MYO9B: variants seen among roughly 807,000 people sequenced by gnomAD.
The protein encoded by MYO9B is myosin IXB, also known as unconventional myosin-IXb.
A neutral mutation model predicts 229.5 loss-of-function variants in MYO9B; 71 were observed. The ratio of observed to expected loss-of-function variants is 0.31; its 90% CI spans 0.26 to 0.38. The LOEUF is 0.38. MYO9B is among the 10% of genes least tolerant of loss of function. The pLI, the probability that MYO9B is intolerant of heterozygous loss-of-function variation, is 1.00. For synonymous variants in MYO9B, 1,185 were observed against 1,235.8 expected, an observed-to-expected ratio of 0.96 and a Z score of 0.86; for missense variants, 2,255 against 2,920.5, an observed-to-expected ratio of 0.77 and a Z score of 5.25.
Position 17,101,511 on chromosome 19 carries a change from C to G in MYO9B, c.-58-149C>G, listed in dbSNP as rs576090869. The G allele has an allele frequency of 1.4e-6, 1 of 691,176 alleles. No individual in the cohort carries two copies. The highest frequency in any genetic ancestry group is 4.2e-4 in the Middle Eastern group (1 of 2,406). The allele number at this position is 691,176 out of a possible 1,614,324, so 42.8% of individuals were successfully genotyped here. A position where few individuals can be genotyped will look rare whatever the true frequency, so the allele number is the denominator to read the frequency against. On this transcript the variant is annotated intron_variant, in intron 1 of 39. Transcript: ENST00000682292. The surrounding 1 kb of genome is among the most constrained non-coding windows in gnomAD (Gnocchi z 4.7). ...GACAGACCCTCACGGGATGTCGTGA[C>G]TGGTTGCCTCTGGCTTTTTGGGCGA...
chr19:17,203,316 G>T, intron 30 of MYO9B, 58 bp downstream of exon 30: 1 of 1,341,270 alleles, frequency 7.5e-7, no homozygotes, highest in Non-Finnish European at 1.0e-6. Context: ...ACCCCTCACT[G>T]CTCAAGAGGT....
intron 2 of MYO9B, among the ~76,000 whole-genome samples, chr19:17,107,117 T>G (rs939028799): frequency 1.3e-5 from 2 of 151,926 alleles, no homozygotes; most frequent in Non-Finnish European, 2.9e-5. Context: ...ATGCCTGTGG[T>G]CTCAGCTCTC....
At chr19:17,169,812 T>C (rs1373626586) in intron 11 of MYO9B, among the ~76,000 whole-genome samples, 1 of 139,510 alleles carries the variant, frequency 7.2e-6, no homozygotes, top group Non-Finnish European at 1.6e-5. Flanking sequence ...CTTTTTTTTT[T>C]TTTTTTTTTT....
chr19:17,200,958 G>A, intron 26 of MYO9B, 129 bp downstream of exon 26: 1 of 1,079,160 alleles, frequency 9.3e-7, no homozygotes, highest in Middle Eastern at 2.9e-4. Context: ...CCAGGCTCAG[G>A]CCGGGGACAG....
intron 15 of MYO9B, among the ~76,000 whole-genome samples, chr19:17,181,659 G>A (rs1436182614): frequency 5.9e-5 from 9 of 152,232 alleles, no homozygotes; most frequent in South Asian, 2.1e-4. Context: ...ACCACATCTC[G>A]CCTTTTAGTG....
At chr19:17,162,554 C>T (rs952847841) in intron 9 of MYO9B, 88 bp downstream of exon 9, 93 of 1,147,026 alleles carry the variant, frequency 8.1e-5, no homozygotes, top group African/African-American at 7.7e-4. Flanking sequence ...CTGGAACATC[C>T]GGAGCCGAGG....
rs888550240 is a variant in MYO9B at position 17,195,899 on chromosome 19, T to C, written c.4046+426T>C. ...GTGACTTGGAATCTCCAGCTCCCTC[T>C]TCCAGAGGGCCTGCAGGACCAAAGG... On this transcript the variant is annotated intron_variant, in intron 22 of 39. Transcript: ENST00000682292. The surrounding 1 kb of genome is among the most constrained non-coding windows in gnomAD (Gnocchi z 4.5). 6.6e-6 allele frequency among the ~76,000 whole-genome samples: 1 copy of C among 151,900 alleles called. No individual in the cohort carries two copies. Among genetic ancestry groups the C allele is most frequent in the Non-Finnish European group, 1.5e-5 (1 of 67,972 alleles).
At chr19:17,203,809 G>A (rs116118398) in intron 30 of MYO9B, among the ~76,000 whole-genome samples, 10 of 152,052 alleles carry the variant, frequency 6.6e-5, no homozygotes, top group Admixed American at 3.9e-4. Context: ...CGTGGGCCCT[G>A]CCTCTCTGTC....
At chr19:17,093,941 C>A (rs1259157466) in intron 1 of MYO9B, among the ~76,000 whole-genome samples, 2 of 151,852 alleles carry the variant, frequency 1.3e-5, no homozygotes, top group East Asian at 3.9e-4. Flanking sequence ...GTGTCAAATT[C>A]CTTGGCTCAA....
Position 17,207,167 on chromosome 19 carries a change from C to G in MYO9B, c.5547C>G (p.Ile1849Met). The stretch of plus-strand genomic sequence containing the variant: ...TGTCACCTGGGGCGCTGGCCATTAT[C>G]TTCGCACCCTGCCTCCTGCGCTGCC... ...NRMSPGALAI[I>M]FAPCLLRCPD... Residue 1849 changes from isoleucine to methionine, a missense_variant, in exon 35 of 40, where the codon ATC (isoleucine) becomes ATG (methionine). By Grantham distance (10) the Ile-to-Met change is conservative. This residue lies in a region of MYO9B where 416 missense variants were observed against 605.5 expected (regional missense o/e 0.69). Transcript: ENST00000682292. The G allele has an allele frequency of 6.2e-7, 1 of 1,607,782 alleles. No homozygotes were observed. Among genetic ancestry groups the G allele is most frequent in the Non-Finnish European group, 8.5e-7 (1 of 1,177,860 alleles).
At chr19:17,125,665 T>C (rs1418132562) in intron 2 of MYO9B, among the ~76,000 whole-genome samples, 10 of 152,180 alleles carry the variant, frequency 6.6e-5, no homozygotes, top group African/African-American at 2.4e-4. Flanking sequence ...CATCTGCGTC[T>C]GTGGCTGACA....
At chr19:17,134,994 C>G (rs1001031350) in intron 2 of MYO9B, among the ~76,000 whole-genome samples, 1 of 151,998 alleles carries the variant, frequency 6.6e-6, no homozygotes, top group Admixed American at 6.6e-5. Flanking sequence ...GAACTCCTGA[C>G]CTCAAGTGAT....
At chr19:17,124,087 C>T (rs1042129183) in intron 2 of MYO9B, among the ~76,000 whole-genome samples, 1 of 152,032 alleles carries the variant, frequency 6.6e-6, no homozygotes, top group African/African-American at 2.4e-5. Context: ...CGGGGTCTCA[C>T]TATGTTGCCC....
At chr19:17,191,411 C>G (rs1434807721) in intron 20 of MYO9B, among the ~76,000 whole-genome samples, 192 bp downstream of exon 20, 1 of 152,156 alleles carries the variant, frequency 6.6e-6, no homozygotes, top group Admixed American at 6.5e-5. Flanking sequence ...ACCTGCTGTT[C>G]TTCAGCAGGG....
chr19:17,162,921 C>G, intron 9 of MYO9B, 67 bp from the exon 10 acceptor site: 2 of 1,547,084 alleles, frequency 1.3e-6, no homozygotes, highest in Admixed American at 3.9e-5. Context: ...GAGCCAACCC[C>G]TCTCATGAAG....
chr19:17,167,368 A>G (rs561830724), intron 10 of MYO9B, among the ~76,000 whole-genome samples: 6 of 151,964 alleles, frequency 3.9e-5, no homozygotes, highest in African/African-American at 1.4e-4. Flanking sequence ...CCTGGCCTCA[A>G]GCGATCCTAC....
At chr19:17,209,428 G>A (rs1477593188) in intron 35 of MYO9B, among the ~76,000 whole-genome samples, 158 bp from the exon 36 acceptor site, 1 of 152,232 alleles carries the variant, frequency 6.6e-6, no homozygotes. Flanking sequence ...AGCTGCCGAA[G>A]GTCACACTGC....
In MYO9B at chr19:17,102,293, G is replaced by A. The variant is rs776602556; in HGVS notation, c.576G>A (p.Leu192=). ...TGGCCATCAACCCCTTTAAGTTCCT[G>A]CCCATCTACAACCCCAAGTACGTGA... ...ILVAINPFKF[L]PIYNPKYVKM... is the part of the protein sequence containing the mutation. The change falls in exon 2 of 40, where the codon CTG becomes CTA. Residue 192 remains leucine (L), a synonymous_variant. Coordinates refer to ENST00000682292, the MANE Select transcript of MYO9B (RefSeq NM_004145.4). 7 of 1,613,908 alleles carry A rather than the reference G, an allele frequency of 4.3e-6. No homozygotes were observed. Among genetic ancestry groups the A allele is most frequent in the Non-Finnish European group, 5.9e-6 (7 of 1,179,896 alleles).
At chr19:17,205,733 A>C (rs1009571176) in intron 31 of MYO9B, among the ~76,000 whole-genome samples, 11 of 152,144 alleles carry the variant, frequency 7.2e-5, no homozygotes, top group Non-Finnish European at 2.9e-5. Context: ...AGGACCACCC[A>C]TGCCTTGGGT....
Sources: allele counts gnomAD v4.1 joint callset (sites outside exome capture counted in the v4.1 genomes callset), GRCh38; gene constraint gnomAD v4.1.1; regional missense constraint gnomAD v4.1.1; non-coding constraint Gnocchi (gnomAD v3.1); transcripts MANE v1.5; gene names NCBI Gene and HGNC (gene_info 2026-07-23, HGNC 2026-07-21).